PLCH2: variants seen among roughly 807,000 people sequenced by gnomAD.
The protein encoded by PLCH2 is 1-phosphatidylinositol 4,5-bisphosphate phosphodiesterase eta-2.
A neutral mutation model predicts 134.7 loss-of-function variants in PLCH2; 98 were observed. The ratio of observed to expected loss-of-function variants is 0.73; its 90% CI spans 0.62 to 0.86. PLCH2 has a LOEUF of 0.86. Among genes scored for constraint, PLCH2 ranks in the 40% least tolerant of loss-of-function variants. The pLI is 0.00. For synonymous variants in PLCH2, 974 were observed against 827.5 expected (o/e 1.18, Z -3.04); for missense variants, 1,994 against 1,986.6 (o/e 1.00, Z -0.07).
rs535098770 is a variant in PLCH2, at chr1:2,444,527, G to T, written c.115+13898G>T. On this transcript the variant is annotated intron_variant, in intron 2 of 3. Coordinates refer to the PLCH2 transcript ENST00000609981. This position sits in a 1 kb window ranked among gnomAD's most constrained non-coding sequence, Gnocchi z 4.6. The stretch of plus-strand genomic sequence containing the variant: ...GCTGGATGGTCTGTAGGACACGGGA[G>T]GGGGAAGTGTTTGAGTGTCCACTGC... 7.1e-6 allele frequency among the ~76,000 whole-genome samples: 1 copy of T among 139,894 alleles called. No individual in the cohort carries two copies. Among genetic ancestry groups the T allele is most frequent in the Non-Finnish European group, 1.6e-5 (1 of 62,138 alleles). The allele number at this position is 139,894 out of a possible 152,430, so 91.8% of individuals were successfully genotyped here.
intron 1 of PLCH2, among the ~76,000 whole-genome samples, chr1:2,426,924 G>A (rs1638825301): frequency 6.6e-6 from 1 of 152,224 alleles, no homozygotes; most frequent in Non-Finnish European, 1.5e-5. Flanking sequence ...CATCCGCTAA[G>A]TCCAGGGGTG....
rs905628641 is a variant in PLCH2 at position 2,439,844 on chromosome 1, C to T, written c.115+9215C>T. Among the ~76,000 whole-genome samples, 34 of 152,124 alleles carry T rather than the reference C, an allele frequency of 2.2e-4. No individual in the cohort carries two copies. Among genetic ancestry groups the T allele is most frequent in the Admixed American group, 2.6e-4 (4 of 15,304 alleles). ...CGCAGCCAGGCCTGGCTGGAGTGTT[C>T]GAGGGCAGCGGGCACGCGGCTCCCT... is the stretch of plus-strand genomic sequence containing the variant. On this transcript the variant is annotated intron_variant, in intron 2 of 3. Transcript: ENST00000609981. The surrounding 1 kb of genome is among the most constrained non-coding windows in gnomAD (Gnocchi z 4.7).
chr1:2,488,481 G>A (rs1481788869), intron 8 of PLCH2, among the ~76,000 whole-genome samples: 1 of 152,332 alleles, frequency 6.6e-6, no homozygotes, highest in Admixed American at 6.5e-5. Flanking sequence ...AGAAGTGGGG[G>A]AATGAGCCCC....
At chr1:2,452,689 C>A (rs1448557795) in intron 2 of PLCH2, among the ~76,000 whole-genome samples, 1 of 152,184 alleles carries the variant, frequency 6.6e-6, no homozygotes, top group African/African-American at 2.4e-5. Flanking sequence ...GGATGCTAGC[C>A]TAGGGTTCCC....
chr1:2,481,666 T>G (rs1371595744), intron 4 of PLCH2, among the ~76,000 whole-genome samples: 1 of 152,198 alleles, frequency 6.6e-6, no homozygotes, highest in Non-Finnish European at 1.5e-5. Flanking sequence ...CAGGGCTGGC[T>G]CTGGAGAGGA....
chr1:2,419,572 C>T, the PLCH2 span, among the ~76,000 whole-genome samples: 1 of 152,068 alleles, frequency 6.6e-6, no homozygotes, highest in Non-Finnish European at 1.5e-5. Context: ...CCGGTGAGGG[C>T]GGAAGGGGAG....
rs990632562 is a variant in PLCH2 at position 2,448,498 on chromosome 1, C to A, written c.115+17869C>A. Among the ~76,000 whole-genome samples the A allele has an allele frequency of 6.6e-6, 1 of 152,180 alleles. No individual in the cohort carries two copies. The highest frequency in any genetic ancestry group is 2.4e-5 in the African/African-American group (1 of 41,444). The stretch of plus-strand genomic sequence containing the variant: ...TGGGGCCTGCCTGGGTCATTCGGGA[C>A]GATCTCCTCGGCGCAGGCCTTTCAC... On this transcript the variant is annotated intron_variant, in intron 2 of 3. Coordinates refer to the PLCH2 transcript ENST00000609981. The surrounding 1 kb of genome is among the most constrained non-coding windows in gnomAD (Gnocchi z 4.0).
At chr1:2,495,217 C>T (rs933909046) in intron 12 of PLCH2, among the ~76,000 whole-genome samples, 1 of 152,202 alleles carries the variant, frequency 6.6e-6, no homozygotes, top group South Asian at 2.1e-4. Flanking sequence ...CTGGTGGGAA[C>T]AGGTGCCTGG....
At chr1:2,477,078 C>G (rs377019258) in intron 1 of PLCH2, among the ~76,000 whole-genome samples, 1 of 152,136 alleles carries the variant, frequency 6.6e-6, no homozygotes, top group Admixed American at 6.5e-5. Flanking sequence ...ATCCTGGTGC[C>G]GGACATGAGG....
upstream of PLCH2, among the ~76,000 whole-genome samples, chr1:2,473,731 C>T (rs1196087363): frequency 6.6e-6 from 1 of 152,350 alleles, no homozygotes; most frequent in Middle Eastern, 3.4e-3. Context: ...CGGGGTCAGG[C>T]AGTGCTCTGA....
intron 3 of PLCH2, 35 bp downstream of exon 3, chr1:2,480,012 A>G (rs10797428): frequency 0.63 from 999,129 of 1,591,762 alleles, 315,168 homozygotes; most frequent in East Asian, 0.82. Flanking sequence ...ATGCAGACCC[A>G]GGGACCGGCC....
At chr1:2,495,319 G>C (rs1286210720) in intron 12 of PLCH2, among the ~76,000 whole-genome samples, 169 bp from the exon 13 acceptor site, 1 of 152,162 alleles carries the variant, frequency 6.6e-6, no homozygotes. Flanking sequence ...AGCCCAGATC[G>C]AGAGGGCACC....
chr1:2,454,558 G>GGTA (rs1414386654), intron 2 of PLCH2, among the ~76,000 whole-genome samples: 1 of 152,148 alleles, frequency 6.6e-6, no homozygotes, highest in Non-Finnish European at 1.5e-5. Flanking sequence ...CCCTTTACTT[G>GGTA]GTAGGGGTGG....
At chr1:2,495,817 T>C (rs1642853482) in intron 13 of PLCH2, among the ~76,000 whole-genome samples, 1 of 152,024 alleles carries the variant, frequency 6.6e-6, no homozygotes, top group Admixed American at 6.5e-5. Context: ...CCCTGGATGC[T>C]GCCGGGCTGT....
intron 2 of PLCH2, among the ~76,000 whole-genome samples, chr1:2,436,513 TCC>T (rs1213602247): frequency 0.017 from 766 of 44,624 alleles, 105 homozygotes; most frequent in Admixed American, 0.027. Flanking sequence ...CTTTCCTCCT[TCC>T]TCCCTCCTCC....
chr1:2,498,883 G>T lies in PLCH2; in HGVS notation c.2434+55G>T, dbSNP rs1160841718. 6.8e-7 allele frequency: 1 copy of T among 1,462,714 alleles called. No individual in the cohort carries two copies. Among genetic ancestry groups the T allele is most frequent in the African/African-American group, 1.4e-5 (1 of 71,858 alleles). 90.6% of individuals were successfully genotyped at this position (1,462,714 alleles called of 1,614,324 possible). ...TGTGATGGAAGTCTGAGGGGGGAGGGTTGGGGCTACCTGGTGTGCCCGGGT... is the reference window on the plus strand; with the variant it reads ...TGTGATGGAAGTCTGAGGGGGGAGGTTTGGGGCTACCTGGTGTGCCCGGGT... On this transcript the variant is annotated intron_variant, in intron 18 of 21. Transcript: ENST00000378486. This position sits in a 1 kb window ranked among gnomAD's most constrained non-coding sequence, Gnocchi z 5.4.
chr1:2,463,837 A>G (rs947620946), upstream of PLCH2, among the ~76,000 whole-genome samples: 1 of 152,248 alleles, frequency 6.6e-6, no homozygotes, highest in African/African-American at 2.4e-5. Flanking sequence ...CCCTTGGAGA[A>G]CTGCTGGTCC....
At chr1:2,482,691 C>T (rs1359586352) in intron 4 of PLCH2, among the ~76,000 whole-genome samples, 1 of 152,128 alleles carries the variant, frequency 6.6e-6, no homozygotes, top group Non-Finnish European at 1.5e-5. Context: ...GGTGACTCCC[C>T]TGGCTCAGAG....
intron 5 of PLCH2, among the ~76,000 whole-genome samples, chr1:2,486,373 T>C (rs1642285317): frequency 1.3e-5 from 2 of 152,332 alleles, no homozygotes; most frequent in African/African-American, 4.8e-5. Flanking sequence ...AGAAGCCGTG[T>C]CAGTGGGCTG....
Sources: allele counts gnomAD v4.1 joint callset (sites outside exome capture counted in the v4.1 genomes callset), GRCh38; gene constraint gnomAD v4.1.1; non-coding constraint Gnocchi (gnomAD v3.1); transcripts MANE v1.5; gene names NCBI Gene and HGNC (gene_info 2026-07-23, HGNC 2026-07-21).